Variants in THEMIS observed in about 807,000 individuals in gnomAD.
THEMIS encodes protein THEMIS.
In THEMIS, 37 loss-of-function variants were observed where a neutral mutation model predicts 52.6. The ratio of observed to expected loss-of-function variants is 0.70; its 90% CI spans 0.54 to 0.93. The LOEUF is 0.93. Among genes scored for constraint, THEMIS ranks in the 40% least tolerant of loss-of-function variants. The pLI, the probability that THEMIS is intolerant of heterozygous loss-of-function variation, is 0.00. For missense variants in THEMIS, 808 were observed against 763.1 expected, an observed-to-expected ratio of 1.06 and a Z score of -0.69; for synonymous variants, 292 against 272.7, an observed-to-expected ratio of 1.07 and a Z score of -0.70.
chr6:127,866,709 T>A (rs1196854027), intron 1 of THEMIS, among the ~76,000 whole-genome samples: 6 of 151,910 alleles, frequency 3.9e-5, no homozygotes, highest in Admixed American at 1.3e-4. Context: ...ATTTCTATCA[T>A]CTACTGAAGA....
chr6:127,698,821 G>A, the THEMIS span, among the ~76,000 whole-genome samples: 3 of 140,918 alleles, frequency 2.1e-5, no homozygotes, highest in Admixed American at 7.0e-5. Flanking sequence ...CATTTTGTGA[G>A]TTCCTAAATT....
chr6:127,787,261 T>C (rs1384868069), intron 4 of THEMIS, among the ~76,000 whole-genome samples: 1 of 151,140 alleles, frequency 6.6e-6, no homozygotes, highest in Non-Finnish European at 1.5e-5. Flanking sequence ...CACTCTAGCA[T>C]GCACATGTGT....
chr6:127,743,375 G>C (rs1027391941), intron 4 of THEMIS, among the ~76,000 whole-genome samples: 9 of 152,110 alleles, frequency 5.9e-5, no homozygotes, highest in Admixed American at 3.3e-4. Flanking sequence ...AAGTCTGCTT[G>C]ACATTCAGAA....
intron 4 of THEMIS, among the ~76,000 whole-genome samples, chr6:127,768,983 A>T (rs1006262954): frequency 1.3e-5 from 2 of 152,174 alleles, no homozygotes; most frequent in Admixed American, 1.3e-4. Context: ...CTAAAATGCA[A>T]ATGTTGCAGT....
intron 1 of THEMIS, among the ~76,000 whole-genome samples, chr6:127,881,922 T>C (rs770185812): frequency 1.3e-5 from 2 of 151,646 alleles, no homozygotes; most frequent in Non-Finnish European, 3.0e-5. Context: ...AACTTTTTAT[T>C]GACTTCTACT....
chr6:127,734,125 C>T (rs1167412185), intron 4 of THEMIS, among the ~76,000 whole-genome samples: 1 of 151,884 alleles, frequency 6.6e-6, no homozygotes. Context: ...TAGGAGGAAA[C>T]CTATAGATTA....
intron 5 of THEMIS, among the ~76,000 whole-genome samples, chr6:127,717,328 A>G (rs149285363): frequency 0.023 from 3,450 of 152,054 alleles, 76 homozygotes; most frequent in Non-Finnish European, 0.036. Flanking sequence ...TAAACCCAGA[A>G]ATCTCAGTTC....
intron 1 of THEMIS, chr6:127,868,309 T>C (rs1780047726): frequency 3.8e-6 from 1 of 264,066 alleles, no homozygotes; most frequent in Non-Finnish European, 5.9e-6. Flanking sequence ...GCTGGTGGGA[T>C]TGTCTTGATC....
chr6:127,880,723 T>A (rs747569130), intron 1 of THEMIS, among the ~76,000 whole-genome samples: 4 of 152,102 alleles, frequency 2.6e-5, no homozygotes, highest in Non-Finnish European at 5.9e-5. Flanking sequence ...TTGAGTCCTA[T>A]CTATTTTTTG....
intron 3 of THEMIS, among the ~76,000 whole-genome samples, chr6:127,822,428 G>A (rs1168693378): frequency 2.6e-5 from 4 of 151,976 alleles, no homozygotes; most frequent in African/African-American, 9.7e-5. Context: ...AACAAAGAGA[G>A]CCTTTTGAAC....
chr6:127,849,595 T>C (rs986735294), intron 2 of THEMIS, among the ~76,000 whole-genome samples: 27 of 151,830 alleles, frequency 1.8e-4, no homozygotes, highest in African/African-American at 6.0e-4. Context: ...AGCCACATAC[T>C]TACAGTCAGG....
chr6:127,832,551 C>T (rs1778730054), intron 2 of THEMIS, among the ~76,000 whole-genome samples: 1 of 152,086 alleles, frequency 6.6e-6, no homozygotes, highest in Non-Finnish European at 1.5e-5. Context: ...TAAAGCACCA[C>T]TGGGACTGAT....
At chr6:127,844,825 G>A (rs1188680903) in intron 2 of THEMIS, among the ~76,000 whole-genome samples, 1 of 151,804 alleles carries the variant, frequency 6.6e-6, no homozygotes, top group Non-Finnish European at 1.5e-5. Context: ...TGTTGCTTTT[G>A]GCAAGATTGG....
At chr6:127,850,828 C>G (rs1405612890) in intron 2 of THEMIS, among the ~76,000 whole-genome samples, 1 of 151,462 alleles carries the variant, frequency 6.6e-6, no homozygotes, top group African/African-American at 2.4e-5. Context: ...TCAGAAATCA[C>G]CACTAAAGAA....
chr6:127,713,449 A>T (rs1414078924), intron 5 of THEMIS, among the ~76,000 whole-genome samples: 1 of 151,862 alleles, frequency 6.6e-6, no homozygotes, highest in Non-Finnish European at 1.5e-5. Context: ...TATGAGCCAG[A>T]CACTTTCCTA....
downstream of THEMIS, among the ~76,000 whole-genome samples, chr6:127,707,195 C>T (rs1039126692): frequency 6.6e-6 from 1 of 152,086 alleles, no homozygotes; most frequent in Non-Finnish European, 1.5e-5. Flanking sequence ...CCAGGTCCCT[C>T]CCATGACACA....
At chr6:127,888,670 C>T (rs1229288421) in intron 1 of THEMIS, among the ~76,000 whole-genome samples, 2 of 152,052 alleles carry the variant, frequency 1.3e-5, no homozygotes, top group African/African-American at 4.8e-5. Context: ...TCCAGCTCTT[C>T]AAAAGAGATC....
chr6:127,890,241 T>C (rs931350121), intron 1 of THEMIS, among the ~76,000 whole-genome samples: 2 of 152,174 alleles, frequency 1.3e-5, no homozygotes, highest in Non-Finnish European at 2.9e-5. Context: ...CTGGGTCACA[T>C]GATAATCAGC....
intron 4 of THEMIS, among the ~76,000 whole-genome samples, chr6:127,727,800 C>T (rs1337160334): frequency 6.6e-6 from 1 of 152,002 alleles, no homozygotes; most frequent in East Asian, 1.9e-4. Flanking sequence ...AATAGGTGCC[C>T]CACATAGGAT....
Sources: gnomAD v4.1 joint callset for allele counts (sites outside exome capture counted in the v4.1 genomes callset) on GRCh38, gnomAD v4.1.1 for gene constraint, MANE v1.5 for transcripts, NCBI Gene and HGNC (gene_info 2026-07-23, HGNC 2026-07-21) for gene names.